Variants in R3HDM1 observed in about 807,000 individuals in gnomAD.
R3HDM1 encodes the protein R3H domain containing 1, also known as R3H domain-containing protein 1.
In R3HDM1, 46 loss-of-function variants were observed where a neutral mutation model predicts 141.1. That is an observed-to-expected ratio of 0.33 (90% CI 0.26 to 0.42). R3HDM1 has a LOEUF of 0.42. Ranked by LOEUF, R3HDM1 falls within the 10% of genes least tolerant of loss-of-function variation. The pLI is 1.00. For missense variants in R3HDM1, 1,184 were observed against 1,368.3 expected, an observed-to-expected ratio of 0.87 and a Z score of 2.12; for synonymous variants, 435 against 472.9, an observed-to-expected ratio of 0.92 and a Z score of 1.04.
intron 1 of R3HDM1, among the ~76,000 whole-genome samples, chr2:135,573,737 AAAAC>A (rs1234194525): frequency 6.6e-6 from 1 of 152,134 alleles, no homozygotes; most frequent in Non-Finnish European, 1.5e-5. Context: ...AGAATGCAGC[AAAAC>A]AAAGAGAACC....
intron 1 of R3HDM1, among the ~76,000 whole-genome samples, chr2:135,562,021 T>C (rs748587173): frequency 4.6e-5 from 7 of 152,208 alleles, no homozygotes; most frequent in Non-Finnish European, 1.0e-4. Context: ...TCTAGAGGAA[T>C]GGTCACCAGA....
intron 1 of R3HDM1, among the ~76,000 whole-genome samples, chr2:135,559,556 C>A (rs1309299898): frequency 2.0e-5 from 3 of 152,172 alleles, no homozygotes; most frequent in Admixed American, 6.5e-5. Flanking sequence ...AAAATATCAA[C>A]CCTTGGCTAG....
At chr2:135,661,497 G>A (rs1574819891) in intron 19 of R3HDM1, 104 bp downstream of exon 19, 16 of 1,401,286 alleles carry the variant, frequency 1.1e-5, no homozygotes, top group South Asian at 2.6e-5. Flanking sequence ...TCAGGATCTC[G>A]AATATGTTCA....
rs183022057 is a variant in R3HDM1 at position 135,614,213 on chromosome 2, T to G, written c.172-1939T>G. On this transcript the variant is annotated intron_variant, in intron 3 of 26. Transcript: ENST00000683871. Reference sequence around the variant, plus strand: ...ATTTTCATCAAAGCCTCCTCGTAGATTAAAAGTGAGATAAATACATGTGTA... The same window carrying G: ...ATTTTCATCAAAGCCTCCTCGTAGAGTAAAAGTGAGATAAATACATGTGTA... 2.8e-4 allele frequency among the ~76,000 whole-genome samples: 42 copies of G among 152,330 alleles called. 1 individual carries two copies. Among genetic ancestry groups the G allele is most frequent in the Admixed American group, 1.6e-3 (25 of 15,304 alleles).
chr2:135,550,848 T>G (rs1699708846), intron 1 of R3HDM1, among the ~76,000 whole-genome samples: 1 of 152,234 alleles, frequency 6.6e-6, no homozygotes. Context: ...CAAAATTTAA[T>G]GGGTTTATTA....
At chr2:135,602,159 G>A (rs1197326320) in intron 1 of R3HDM1, among the ~76,000 whole-genome samples, 1 of 152,038 alleles carries the variant, frequency 6.6e-6, no homozygotes, top group African/African-American at 2.4e-5. Context: ...GGTTCTTGGA[G>A]TTAAAGTGTT....
chr2:135,635,839 T>C, intron 9 of R3HDM1, 51 bp from the exon 10 acceptor site: 2 of 1,532,486 alleles, frequency 1.3e-6, no homozygotes, highest in Non-Finnish European at 1.7e-6. Context: ...TCTTTGCTAA[T>C]ATTGTTCATT....
At chr2:135,609,172 C>G (rs1008471505) in intron 3 of R3HDM1, among the ~76,000 whole-genome samples, 2 of 152,114 alleles carry the variant, frequency 1.3e-5, no homozygotes, top group African/African-American at 4.8e-5. Context: ...CAGAGATTAT[C>G]TCAGAGAGCT....
intron 5 of R3HDM1, among the ~76,000 whole-genome samples, chr2:135,617,073 C>T (rs2061087057): frequency 6.6e-6 from 1 of 152,024 alleles, no homozygotes. Context: ...CCTGTAATCC[C>T]AGCACTTTGG....
At chr2:135,580,297 A>G (rs1258635887) in intron 1 of R3HDM1, among the ~76,000 whole-genome samples, 3 of 152,178 alleles carry the variant, frequency 2.0e-5, no homozygotes, top group Non-Finnish European at 2.9e-5. Flanking sequence ...CCAGGTATCT[A>G]TTGTTACCTA....
chr2:135,558,042 G>C (rs1441578476), intron 1 of R3HDM1, among the ~76,000 whole-genome samples: 1 of 152,132 alleles, frequency 6.6e-6, no homozygotes, highest in East Asian at 1.9e-4. Context: ...ATGATAATGG[G>C]GCTAAAAGTA....
chr2:135,616,206 T>C lies in R3HDM1; in HGVS notation c.213+13T>C. The stretch of plus-strand genomic sequence containing the variant: ...AAAAAGGTCTAAGGTATAGTAAATA[T>C]TTTGGTGTGCTGGCATGCCAAGGGC... On this transcript the variant is annotated intron_variant, in intron 4 of 26. Coordinates refer to ENST00000683871, the MANE Select transcript of R3HDM1 (RefSeq NM_001378107.1). The C allele has an allele frequency of 6.2e-7, 1 of 1,609,142 alleles. No individual in the cohort carries two copies.
intron 11 of R3HDM1, among the ~76,000 whole-genome samples, chr2:135,637,375 C>T (rs1316539759): frequency 6.6e-6 from 1 of 152,022 alleles, no homozygotes; most frequent in Non-Finnish European, 1.5e-5. Context: ...TAAGAGGAGG[C>T]CAGGCACAGT....
chr2:135,667,119 C>A, intron 19 of R3HDM1: 11 of 927,224 alleles, frequency 1.2e-5, no homozygotes, highest in Non-Finnish European at 1.4e-5. Flanking sequence ...AATGCTAGTT[C>A]AGATCACCTA....
chr2:135,698,986 G>GATAA (rs2073720310), intron 21 of R3HDM1, among the ~76,000 whole-genome samples: 1 of 71,906 alleles, frequency 1.4e-5, no homozygotes, highest in African/African-American at 5.5e-5. Flanking sequence ...CACTCAGATA[G>GATAA]ATAGATAGAT....
chr2:135,560,551 A>G lies in R3HDM1; in HGVS notation c.-250+28918A>G, dbSNP rs367982058. On this transcript the variant is annotated intron_variant, in intron 1 of 26. Coordinates refer to ENST00000683871, the MANE Select transcript of R3HDM1 (RefSeq NM_001378107.1). ...ATGGTCTCAATCTCCTGACCTCGTG[A>G]TCCGCCCACCTCAGCTTCCCAAAGT... Among the ~76,000 whole-genome samples, 17 of 152,252 alleles carry G rather than the reference A, an allele frequency of 1.1e-4. No homozygotes were observed. The East Asian group carries it at 2.9e-3, about 26-fold the overall frequency.
intron 1 of R3HDM1, among the ~76,000 whole-genome samples, chr2:135,544,083 A>G (rs1401623685): frequency 6.6e-6 from 1 of 152,190 alleles, no homozygotes; most frequent in African/African-American, 2.4e-5. Context: ...GGGATTTTGT[A>G]AGGAGGAAAC....
At chr2:135,675,649 T>C (rs2069058910) in intron 20 of R3HDM1, among the ~76,000 whole-genome samples, 163 bp downstream of exon 20, 2 of 104,928 alleles carry the variant, frequency 1.9e-5, no homozygotes, top group South Asian at 4.2e-4. Context: ...TACAACTTTA[T>C]AGTCAAGAGT....
At chr2:135,656,377 C>G (rs1311519766) in intron 18 of R3HDM1, 1 of 152,072 alleles carries the variant, frequency 6.6e-6, no homozygotes, top group African/African-American at 2.4e-5. Context: ...TATGCCATGT[C>G]ATACCAGATT....
Sources: allele counts gnomAD v4.1 joint callset (sites outside exome capture counted in the v4.1 genomes callset), GRCh38; gene constraint gnomAD v4.1.1; transcripts MANE v1.5; gene names NCBI Gene and HGNC (gene_info 2026-07-23, HGNC 2026-07-21).